The following CCDC158 variants were observed in gnomAD, a reference collection of about 807,000 sequenced individuals.
CCDC158 encodes coiled-coil domain-containing protein 158.
In CCDC158, 116 loss-of-function variants were observed where a neutral mutation model predicts 138.6. The observed-to-expected ratio is 0.84, with a 90% CI of 0.72 to 0.98. The LOEUF (loss-of-function observed/expected upper bound fraction) is 0.98, where lower values mean the gene tolerates loss of function less well. CCDC158 is among the 50% of genes least tolerant of loss of function. The pLI is 0.00. For missense variants in CCDC158, 1,265 were observed against 1,306.1 expected, an observed-to-expected ratio of 0.97 and a Z score of 0.48; for synonymous variants, 436 against 442.4, an observed-to-expected ratio of 0.99 and a Z score of 0.18.
At chr4:76,406,072 AC>A (rs1231868923) in intron 2 of CCDC158, among the ~76,000 whole-genome samples, 15 of 152,204 alleles carry the variant, frequency 9.9e-5, no homozygotes, top group African/African-American at 3.6e-4. Flanking sequence ...TTTAAAAAAA[AC>A]AACCCTGCTA....
At chr4:76,362,354 A>G in intron 12 of CCDC158, 39 bp from the exon 13 acceptor site, 1 of 1,445,542 alleles carries the variant, frequency 6.9e-7, no homozygotes, top group South Asian at 1.2e-5. Context: ...GAGAAGTAAA[A>G]AATATGTACA....
In CCDC158 at chr4:76,327,519, T is replaced by C. The variant is rs953365606; in HGVS notation, c.3010+1381A>G. ...GAGCATGTTACTGTACTGAATACTG[T>C]AGGCAACTGTAACATAATGGTAAGT... is the stretch of plus-strand genomic sequence containing the variant. On this transcript the variant is annotated intron_variant, in intron 22 of 24. Transcript: ENST00000682701. 2.6e-5 allele frequency among the ~76,000 whole-genome samples: 4 copies of C among 152,186 alleles called. No individual in the cohort carries two copies. The East Asian group carries it at 7.7e-4, about 29-fold the overall frequency.
chr4:76,415,094 A>C (rs531058608), intron 1 of CCDC158, among the ~76,000 whole-genome samples: 55 of 152,340 alleles, frequency 3.6e-4, no homozygotes, highest in African/African-American at 1.2e-3. Flanking sequence ...TGAGGTGGTC[A>C]GATGGAGATG....
chr4:76,376,472 A>C (rs1385409269), intron 9 of CCDC158, among the ~76,000 whole-genome samples: 1 of 152,238 alleles, frequency 6.6e-6, no homozygotes, highest in African/African-American at 2.4e-5. Flanking sequence ...AACAGAGAAA[A>C]AATAGATTTT....
intron 1 of CCDC158, among the ~76,000 whole-genome samples, chr4:76,420,098 C>T (rs1729992192): frequency 6.6e-6 from 1 of 151,672 alleles, no homozygotes. Context: ...GTAAGATAAC[C>T]GCACTAAGAT....
intron 2 of CCDC158, among the ~76,000 whole-genome samples, chr4:76,406,797 ACATATCAAT>A (rs1162829669): frequency 1.3e-5 from 2 of 152,182 alleles, no homozygotes; most frequent in Admixed American, 1.3e-4. Context: ...TGAAAATAGT[ACATATCAAT>A]CTGTGACATA....
rs150911191 is a variant in CCDC158 at position 76,359,914 on chromosome 4, T to C, written c.2020+2212A>G. ...AGCCAAATGTTCATAGCTAAGACAA[T>C]GGGGAAAATGTCTCCAGGTCATTTC... is the stretch of plus-strand genomic sequence containing the variant. On this transcript the variant is annotated intron_variant, in intron 13 of 24. Transcript: ENST00000682701. Among the ~76,000 whole-genome samples the C allele has an allele frequency of 3.8e-3, 579 of 152,240 alleles. 3 individuals carry two copies. Among genetic ancestry groups the C allele is most frequent in the Middle Eastern group, 0.01 (3 of 294 alleles).
intron 4 of CCDC158, 27 bp from the exon 5 acceptor site, chr4:76,384,692 T>A: frequency 6.7e-7 from 1 of 1,487,598 alleles, no homozygotes; most frequent in African/African-American, 1.4e-5. Context: ...TGCAAATTAA[T>A]CTTCATTAGA....
chr4:76,357,497 G>A lies in CCDC158; in HGVS notation c.2050C>T (p.Arg684Ter), dbSNP rs202054066. 118 of 1,595,474 alleles carry A rather than the reference G, an allele frequency of 7.4e-5. No homozygotes were observed. The East Asian group carries it at 8.8e-4, about 12-fold the overall frequency. The change falls in exon 14 of 25, where the codon CGA becomes TGA. Residue 684 changes from arginine to a stop codon, truncating the protein, a stop_gained. Transcript: ENST00000682701. LOFTEE classifies it high-confidence loss of function. ...ATTTCCATTTCTTCACTTTTGTTTCGGAAATTCCTTTTTAAGACTTCATAC... is the reference window on the plus strand; with the variant it reads ...ATTTCCATTTCTTCACTTTTGTTTCAGAAATTCCTTTTTAAGACTTCATAC... ...EEYEVLKRNF[R>*]NKSEEMEMTT...
chr4:76,420,688 C>T (rs1249891323), intron 1 of CCDC158, among the ~76,000 whole-genome samples: 2 of 152,188 alleles, frequency 1.3e-5, no homozygotes, highest in Non-Finnish European at 2.9e-5. Flanking sequence ...GCAGGTTACT[C>T]GGTGATTCTC....
At chr4:76,332,564 A>G in intron 19 of CCDC158, 73 bp from the exon 20 acceptor site, 2 of 1,174,296 alleles carry the variant, frequency 1.7e-6, no homozygotes, top group Non-Finnish European at 2.4e-6. Flanking sequence ...AGACTAATCA[A>G]TTGCTTACAT....
At chr4:76,346,833 G>GA (rs564279948) in intron 18 of CCDC158, among the ~76,000 whole-genome samples, 23 of 152,038 alleles carry the variant, frequency 1.5e-4, no homozygotes, top group Middle Eastern at 3.4e-3. Flanking sequence ...AAATTTACAA[G>GA]AAAAAAACAA....
chr4:76,394,643 T>G (rs1027030330), intron 4 of CCDC158, among the ~76,000 whole-genome samples: 3 of 152,198 alleles, frequency 2.0e-5, no homozygotes, highest in African/African-American at 7.2e-5. Context: ...TTGGATTGTT[T>G]GTAACATGAA....
chr4:76,370,875 T>G (rs1483321833), intron 10 of CCDC158, among the ~76,000 whole-genome samples: 3 of 152,138 alleles, frequency 2.0e-5, no homozygotes, highest in African/African-American at 7.2e-5. Flanking sequence ...AAGAGCACCA[T>G]TCCCTGGAAT....
intron 24 of CCDC158, among the ~76,000 whole-genome samples, chr4:76,318,089 A>G (rs1719580876): frequency 6.6e-6 from 1 of 152,194 alleles, no homozygotes; most frequent in Non-Finnish European, 1.5e-5. Flanking sequence ...CTAAGGTCAC[A>G]CCTCAAGGAA....
chr4:76,343,181 G>A (rs1025851329), intron 18 of CCDC158, among the ~76,000 whole-genome samples: 15 of 152,090 alleles, frequency 9.9e-5, no homozygotes, highest in African/African-American at 3.1e-4. Flanking sequence ...TCCCACTCAC[G>A]TCACAGAATT....
At position 76,329,307 on chromosome 4, in the gene CCDC158, C is replaced by T. The variant is rs1364749922; in HGVS notation, c.2943-340G>A. Among the ~76,000 whole-genome samples, 9 of 152,070 alleles carry T rather than the reference C, an allele frequency of 5.9e-5. No individual in the cohort carries two copies. The East Asian group carries it at 1.3e-3, about 23-fold the overall frequency. ...TCATTTAAAAATAAAGAAATTAGGT[C>T]GGGTGTGGTGGCTCACCCCTGTAAT... On this transcript the variant is annotated intron_variant, in intron 21 of 24. Coordinates refer to ENST00000682701, the MANE Select transcript of CCDC158 (RefSeq NM_001394954.1).
intron 12 of CCDC158, among the ~76,000 whole-genome samples, chr4:76,366,119 C>A (rs554476178): frequency 6.6e-6 from 1 of 152,182 alleles, no homozygotes; most frequent in South Asian, 2.1e-4. Context: ...TCTTCCTAAG[C>A]AAGGTAGAAC....
At chr4:76,390,784 A>G (rs903767729) in intron 4 of CCDC158, among the ~76,000 whole-genome samples, 12 of 152,114 alleles carry the variant, frequency 7.9e-5, no homozygotes, top group Admixed American at 7.9e-4. Flanking sequence ...AAAGGGATGG[A>G]AAAAGATATT....
Sources: allele counts gnomAD v4.1 joint callset (sites outside exome capture counted in the v4.1 genomes callset), GRCh38; gene constraint gnomAD v4.1.1; transcripts MANE v1.5; gene names NCBI Gene and HGNC (gene_info 2026-07-23, HGNC 2026-07-21).